The following NCALD variants were observed in gnomAD, a reference collection of about 807,000 sequenced individuals.
The protein encoded by NCALD is neurocalcin delta, also known as neurocalcin-delta.
NCALD carries 10 observed loss-of-function variants against 18.6 expected under a neutral mutation model. The observed-to-expected ratio is 0.54, with a 90% confidence interval of 0.33 to 0.91. The LOEUF (loss-of-function observed/expected upper bound fraction) is 0.91. Among genes scored for constraint, NCALD ranks in the 40% least tolerant of loss-of-function variants. The pLI is 0.03. For missense variants in NCALD, 184 were observed against 247.6 expected (o/e 0.74, Z 1.72); for synonymous variants, 88 against 87.4 (o/e 1.01, Z -0.04).
chr8:101,817,767 G>A (rs995580535), intron 4 of NCALD, among the ~76,000 whole-genome samples: 3 of 152,104 alleles, frequency 2.0e-5, no homozygotes, highest in Non-Finnish European at 4.4e-5. Flanking sequence ...TCCCGTGAAT[G>A]CAGCATTCTG....
intron 1 of NCALD, among the ~76,000 whole-genome samples, chr8:101,740,203 A>C (rs1214753078): frequency 6.6e-6 from 1 of 152,142 alleles, no homozygotes; most frequent in African/African-American, 2.4e-5. Context: ...TCTTTTAAAC[A>C]CTCACTGTTA....
chr8:101,820,671 G>A (rs986589363), intron 4 of NCALD, among the ~76,000 whole-genome samples: 1 of 152,162 alleles, frequency 6.6e-6, no homozygotes, highest in African/African-American at 2.4e-5. Context: ...CTGTAGATGG[G>A]ATAGGCTGTA....
rs145605716 is a variant in NCALD at position 102,014,451 on chromosome 8, C to T, written c.-157+5786G>A. On this transcript the variant is annotated intron_variant, in intron 2 of 6. Coordinates refer to the NCALD transcript ENST00000311028. ...GGGGTTGGGTTTCAACATATGAATT[C>T]TGGGGGGTATACAAATGTTCCCATC... Among the ~76,000 whole-genome samples the T allele has an allele frequency of 3.8e-3, 583 of 152,122 alleles. 7 individuals are homozygous for T. The highest frequency in any genetic ancestry group is 0.013 in the African/African-American group (545 of 41,476).
chr8:101,953,954 C>T (rs1311980465), intron 2 of NCALD, among the ~76,000 whole-genome samples: 4 of 152,192 alleles, frequency 2.6e-5, no homozygotes, highest in Non-Finnish European at 5.9e-5. Flanking sequence ...GGGCAGAGCC[C>T]TTGACCTAAC....
At chr8:101,761,139 G>C (rs1811092619) in intron 1 of NCALD, among the ~76,000 whole-genome samples, 2 of 152,118 alleles carry the variant, frequency 1.3e-5, no homozygotes, top group South Asian at 4.1e-4. Flanking sequence ...CTACCTGGGG[G>C]AGGGGCAGCC....
intron 3 of NCALD, among the ~76,000 whole-genome samples, chr8:101,908,415 A>G (rs1420636496): frequency 3.9e-5 from 6 of 152,132 alleles, no homozygotes; most frequent in Non-Finnish European, 8.8e-5. Flanking sequence ...CCTAAGTCAC[A>G]TATTTTTTCT....
chr8:101,872,273 C>A, intron 4 of NCALD: 1 of 1,396,730 alleles, frequency 7.2e-7, no homozygotes, highest in East Asian at 2.3e-5. Flanking sequence ...TCCAAAACTT[C>A]TCCAAATTTA....
At chr8:101,797,305 A>G (rs941256577) in intron 4 of NCALD, among the ~76,000 whole-genome samples, 8 of 152,348 alleles carry the variant, frequency 5.3e-5, no homozygotes, top group African/African-American at 1.4e-4. Context: ...AAAGAAAATC[A>G]CACCTAGAAA....
intron 3 of NCALD, chr8:101,690,433 C>T (rs974326778): frequency 2.7e-5 from 27 of 985,342 alleles, no homozygotes; most frequent in African/African-American, 2.1e-4. Context: ...GGGCAGCACC[C>T]GGCCTGCCTG....
chr8:101,982,988 G>C (rs551247650), intron 2 of NCALD, among the ~76,000 whole-genome samples: 1 of 152,254 alleles, frequency 6.6e-6, no homozygotes, highest in Admixed American at 6.5e-5. Context: ...CCAAAAGGCA[G>C]CCTAAACCCA....
intron 1 of NCALD, among the ~76,000 whole-genome samples, chr8:101,734,292 T>C (rs1816978605): frequency 6.6e-6 from 1 of 152,220 alleles, no homozygotes; most frequent in African/African-American, 2.4e-5. Context: ...CAGATCTCAC[T>C]GAACATGCCC....
chr8:101,851,999 C>T (rs1020159199), intron 4 of NCALD, among the ~76,000 whole-genome samples: 1 of 152,106 alleles, frequency 6.6e-6, no homozygotes, highest in African/African-American at 2.4e-5. Context: ...CATATGAGGA[C>T]AATTCACCCC....
chr8:101,952,020 T>G (rs1174809950), intron 2 of NCALD, among the ~76,000 whole-genome samples: 1 of 152,206 alleles, frequency 6.6e-6, no homozygotes, highest in African/African-American at 2.4e-5. Flanking sequence ...GATTACTTTT[T>G]TATCATGTCA....
At chr8:101,957,994 T>C (rs1819698560) in intron 2 of NCALD, among the ~76,000 whole-genome samples, 1 of 152,148 alleles carries the variant, frequency 6.6e-6, no homozygotes, top group South Asian at 2.1e-4. Context: ...GACCTCAGCA[T>C]CGCCCATACT....
chr8:101,719,615 GT>G lies in NCALD; in HGVS notation c.14del (p.Asn5ThrfsTer31). 1 of 1,578,514 alleles carries G rather than the reference GT, an allele frequency of 6.3e-7. No individual in the cohort carries two copies. The highest frequency in any genetic ancestry group is 8.6e-7 in the Non-Finnish European group (1 of 1,164,932). ...GCATGACCTCCGGGCGCAGCTTGCT[GT>G]TCTGTTTCCCCATCCTGGCGGCAAG... Reference protein sequence around the residue: MGKQNSKLRPEVMQD... With the variant: MGKQXSKLRPEVMQD... On this transcript the variant is annotated frameshift_variant, in exon 2 of 4. Coordinates refer to ENST00000220931, the MANE Select transcript of NCALD (RefSeq NM_032041.3). LOFTEE classifies it high-confidence loss of function.
intron 1 of NCALD, among the ~76,000 whole-genome samples, chr8:101,780,646 G>C (rs2130950893): frequency 6.6e-6 from 1 of 152,164 alleles, no homozygotes; most frequent in African/African-American, 2.4e-5. Context: ...ATGTACAATA[G>C]TAATGGTTGC....
chr8:101,709,269 C>A (rs1815673684), intron 2 of NCALD, among the ~76,000 whole-genome samples: 1 of 152,170 alleles, frequency 6.6e-6, no homozygotes, highest in Non-Finnish European at 1.5e-5. Context: ...AGGATATTTC[C>A]TGTTACAGCT....
upstream of NCALD, among the ~76,000 whole-genome samples, chr8:101,795,500 G>T (rs1298101059): frequency 6.6e-6 from 1 of 152,114 alleles, no homozygotes; most frequent in East Asian, 1.9e-4. Context: ...CACATGGTAG[G>T]ACAGGCACAC....
chr8:101,882,563 A>T (rs906705927), intron 4 of NCALD, among the ~76,000 whole-genome samples: 1 of 152,360 alleles, frequency 6.6e-6, no homozygotes, highest in Non-Finnish European at 1.5e-5. Context: ...TTGTTATAGC[A>T]GCCGAAGCAG....
Sources: gnomAD v4.1 joint callset for allele counts (sites outside exome capture counted in the v4.1 genomes callset) on GRCh38, gnomAD v4.1.1 for gene constraint, MANE v1.5 for transcripts, NCBI Gene and HGNC (gene_info 2026-07-23, HGNC 2026-07-21) for gene names.